Variants in THSD7B observed in about 807,000 individuals in gnomAD.
THSD7B encodes the protein thrombospondin type-1 domain-containing protein 7B.
Under a neutral mutation model 213.6 loss-of-function variants are expected in THSD7B, and 138 were observed. The observed-to-expected ratio is 0.65, with a 90% confidence interval of 0.56 to 0.74. The LOEUF is 0.74. Ranked by LOEUF, THSD7B falls within the 30% of genes least tolerant of loss-of-function variation. The pLI, the probability that THSD7B is intolerant of heterozygous loss-of-function variation, is 0.00. For missense variants in THSD7B, 1,931 were observed against 1,991.5 expected (o/e 0.97, Z 0.58); for synonymous variants, 742 against 687.0 (o/e 1.08, Z -1.25).
chr2:137,320,337 G>A (rs1372401063), intron 12 of THSD7B, among the ~76,000 whole-genome samples: 2 of 151,886 alleles, frequency 1.3e-5, no homozygotes, highest in East Asian at 1.9e-4. Context: ...AATCATTTTT[G>A]CATACTGTGT....
At chr2:137,199,662 C>T (rs1201094743) in intron 7 of THSD7B, among the ~76,000 whole-genome samples, 3 of 152,092 alleles carry the variant, frequency 2.0e-5, no homozygotes, top group Non-Finnish European at 4.4e-5. Context: ...ATGAATATCA[C>T]TAAAACACTC....
At chr2:137,324,332 A>G (rs905632979) in intron 12 of THSD7B, among the ~76,000 whole-genome samples, 39 of 152,194 alleles carry the variant, frequency 2.6e-4, no homozygotes, top group African/African-American at 7.7e-4. Context: ...AAGATACTGT[A>G]TCTCTTCCCT....
intron 7 of THSD7B, among the ~76,000 whole-genome samples, chr2:137,223,420 A>C (rs934857690): frequency 3.3e-5 from 5 of 152,200 alleles, no homozygotes; most frequent in African/African-American, 1.2e-4. Flanking sequence ...AGAGAAAATG[A>C]GAAAAGAGAC....
intron 1 of THSD7B, among the ~76,000 whole-genome samples, chr2:136,881,005 T>C (rs1462829519): frequency 1.3e-5 from 2 of 152,126 alleles, no homozygotes; most frequent in Non-Finnish European, 2.9e-5. Context: ...TCCCTCTTGT[T>C]TGTGTCCTTC....
intron 6 of THSD7B, among the ~76,000 whole-genome samples, chr2:137,169,508 G>C (rs1447610999): frequency 6.6e-6 from 1 of 152,070 alleles, no homozygotes; most frequent in African/African-American, 2.4e-5. Context: ...TGTGGGAAGA[G>C]TGGTGGGATA....
intron 5 of THSD7B, among the ~76,000 whole-genome samples, chr2:137,115,531 T>G (rs1688433849): frequency 6.6e-6 from 1 of 151,900 alleles, no homozygotes; most frequent in South Asian, 2.1e-4. Context: ...AAGGAGAAAA[T>G]GTAGTTAGGG....
intron 10 of THSD7B, among the ~76,000 whole-genome samples, chr2:137,266,391 TA>T (rs1682590265): frequency 6.6e-6 from 1 of 152,234 alleles, no homozygotes; most frequent in African/African-American, 2.4e-5. Context: ...ATATTAATCA[TA>T]AAAAGCATTG....
At chr2:137,150,252 A>AAAAAAG (rs1679789753) in intron 5 of THSD7B, among the ~76,000 whole-genome samples, 1 of 148,268 alleles carries the variant, frequency 6.7e-6, no homozygotes, top group African/African-American at 2.5e-5. Context: ...CAAAAAAAAA[A>AAAAAAG]AAAAAGAAAA....
chr2:137,284,916 C>A lies in THSD7B; in HGVS notation c.2500+8890C>A, dbSNP rs1237035784. Among the ~76,000 whole-genome samples the A allele has an allele frequency of 2.6e-5, 4 of 152,166 alleles. No homozygotes were observed. The East Asian group carries it at 7.7e-4, about 29-fold the overall frequency. On this transcript the variant is annotated intron_variant, in intron 12 of 27. Coordinates refer to ENST00000409968, the MANE Select transcript of THSD7B (RefSeq NM_001316349.2). ...AGAGTTCTGTAGATGTCTATTAGGT[C>A]CACTTTGTGCAGAGCTGAGTTTAAT...
At chr2:137,223,048 G>A (rs894526573) in intron 7 of THSD7B, among the ~76,000 whole-genome samples, 9 of 152,200 alleles carry the variant, frequency 5.9e-5, no homozygotes, top group Non-Finnish European at 1.0e-4. Flanking sequence ...GGCACAGAGT[G>A]GGCCTGAGCT....
chr2:137,079,588 G>A (rs975262036), intron 3 of THSD7B, among the ~76,000 whole-genome samples: 1 of 151,894 alleles, frequency 6.6e-6, no homozygotes. Context: ...TTTATTTTTA[G>A]CCTTTTGAAA....
chr2:137,637,826 T>C (rs1208595552), intron 20 of THSD7B, among the ~76,000 whole-genome samples: 1 of 152,158 alleles, frequency 6.6e-6, no homozygotes, highest in African/African-American at 2.4e-5. Context: ...ATAGAGTCTC[T>C]TTGGCCATGA....
At chr2:137,530,505 A>G (rs1442351966) in intron 15 of THSD7B, among the ~76,000 whole-genome samples, 1 of 152,012 alleles carries the variant, frequency 6.6e-6, no homozygotes, top group Non-Finnish European at 1.5e-5. Context: ...CCTTGAAATG[A>G]CAACAAAATA....
At chr2:136,827,080 T>A (rs2104943058) in intron 1 of THSD7B, among the ~76,000 whole-genome samples, 1 of 152,318 alleles carries the variant, frequency 6.6e-6, no homozygotes. Context: ...TACTATAGTT[T>A]CTGTGATTAG....
At chr2:137,363,257 A>C (rs891713978) in intron 12 of THSD7B, among the ~76,000 whole-genome samples, 3 of 152,236 alleles carry the variant, frequency 2.0e-5, no homozygotes, top group African/African-American at 7.2e-5. Flanking sequence ...GGAAATTTAA[A>C]GCACTAAATG....
chr2:137,579,344 C>T (rs1032115109), intron 17 of THSD7B, among the ~76,000 whole-genome samples: 1 of 152,178 alleles, frequency 6.6e-6, no homozygotes, highest in South Asian at 2.1e-4. Flanking sequence ...TGCCATTATA[C>T]TCAAACCAAA....
chr2:137,316,534 G>A (rs1162101737), intron 12 of THSD7B, among the ~76,000 whole-genome samples: 1 of 152,146 alleles, frequency 6.6e-6, no homozygotes, highest in Non-Finnish European at 1.5e-5. Context: ...CCAGCACTTT[G>A]GGAGGTCGAG....
intron 15 of THSD7B, among the ~76,000 whole-genome samples, chr2:137,475,417 A>G (rs1220551431): frequency 6.6e-6 from 1 of 152,090 alleles, no homozygotes; most frequent in Admixed American, 6.6e-5. Context: ...CTTATTAAAC[A>G]TTGGAACTTA....
intron 20 of THSD7B, among the ~76,000 whole-genome samples, chr2:137,634,168 G>A (rs905995428): frequency 1.1e-4 from 16 of 152,104 alleles, no homozygotes; most frequent in Non-Finnish European, 2.4e-4. Flanking sequence ...CTTCAGTTAA[G>A]TGACATTGTA....
Sources: allele counts gnomAD v4.1 joint callset (sites outside exome capture counted in the v4.1 genomes callset), GRCh38; gene constraint gnomAD v4.1.1; transcripts MANE v1.5; gene names NCBI Gene and HGNC (gene_info 2026-07-23, HGNC 2026-07-21).